The following ANKRD11 variants were observed in gnomAD, a reference collection of about 807,000 sequenced individuals.
ANKRD11 encodes ankyrin repeat domain 11.
Under a neutral mutation model 195.7 loss-of-function variants are expected in ANKRD11, and 17 were observed. The observed-to-expected ratio is 0.09, with a 90% CI of 0.06 to 0.13. ANKRD11 has a LOEUF of 0.13. Ranked by LOEUF, ANKRD11 falls within the 10% of genes least tolerant of loss-of-function variation. ANKRD11 has a pLI of 1.00. For missense variants in ANKRD11, 3,735 were observed against 3,566.1 expected (o/e 1.05, Z -1.21); for synonymous variants, 1,953 against 1,528.1 (o/e 1.28, Z -6.49).
At chr16:89,354,071 G>C (rs532128218) in intron 2 of ANKRD11, among the ~76,000 whole-genome samples, 1 of 152,068 alleles carries the variant, frequency 6.6e-6, no homozygotes. Flanking sequence ...GGAGCTGCCC[G>C]CCCAACAGTC....
In ANKRD11 at chr16:89,398,561, T is replaced by A. The variant is rs182145993; in HGVS notation, c.-60+19723A>T. Among the ~76,000 whole-genome samples, 395 of 151,720 alleles carry A rather than the reference T, an allele frequency of 2.6e-3. 3 individuals are homozygous for A. The Middle Eastern group carries it at 0.031, about 12-fold the overall frequency. ...GGGAGACCCCATCTCTTAAAAAAAATTTTTTTTTAACAAAACAATAAAAAA... is the reference window on the plus strand; with the variant it reads ...GGGAGACCCCATCTCTTAAAAAAAAATTTTTTTTAACAAAACAATAAAAAA... On this transcript the variant is annotated intron_variant, in intron 2 of 12. Transcript: ENST00000301030.
intron 1 of ANKRD11, among the ~76,000 whole-genome samples, chr16:89,479,956 A>C (rs1478684243): frequency 8.0e-5 from 12 of 150,772 alleles, no homozygotes; most frequent in African/African-American, 2.9e-4. Flanking sequence ...AAAAAAAAAA[A>C]AAAAACTAGC....
chr16:89,424,676 T>G (rs1002543162), intron 1 of ANKRD11, among the ~76,000 whole-genome samples: 13 of 152,102 alleles, frequency 8.5e-5, no homozygotes, highest in African/African-American at 3.1e-4. Flanking sequence ...GACACTCTTA[T>G]GACAAATTTT....
chr16:89,285,024 C>T lies in ANKRD11; in HGVS notation c.1518G>A (p.Pro506=), dbSNP rs749517966. The part of the protein sequence containing the change: ...LGSSGCLKGS[P]LVLKDPSLFS... ...ACAGGGAGGGGTCCTTCAGCACCAG[C>T]GGGGACCCCTTGAGGCAGCCAGAGC... is the stretch of plus-strand genomic sequence containing the variant. Residue 506 remains proline, a synonymous_variant, in exon 9 of 13, where the codon CCG becomes CCA. Transcript: ENST00000301030. The surrounding 1 kb of genome is among the most constrained non-coding windows in gnomAD (Gnocchi z 5.6). 14 of 1,613,816 alleles carry T rather than the reference C, an allele frequency of 8.7e-6. No individual in the cohort carries two copies. The highest frequency in any genetic ancestry group is 7.7e-5 in the South Asian group (7 of 91,086).
intron 2 of ANKRD11, among the ~76,000 whole-genome samples, chr16:89,403,255 C>T (rs542220998): frequency 6.6e-6 from 1 of 152,316 alleles, no homozygotes; most frequent in African/African-American, 2.4e-5. Context: ...ATCTGATGCG[C>T]ACTCACTCAC....
chr16:89,438,188 G>A (rs2043295600), intron 1 of ANKRD11, among the ~76,000 whole-genome samples: 2 of 152,162 alleles, frequency 1.3e-5, no homozygotes, highest in South Asian at 4.1e-4. Context: ...ATGAAGACTA[G>A]GAACAGCTGG....
At chr16:89,277,898 G>A (rs2033795470) in intron 9 of ANKRD11, 1 of 157,206 alleles carries the variant, frequency 6.4e-6, no homozygotes, top group Non-Finnish European at 1.4e-5. Context: ...GCCAGGTCAG[G>A]GCCAGCACGG....
At position 89,282,305 on chromosome 16, in the gene ANKRD11, C is replaced by T. The variant is rs140373729; in HGVS notation, c.4237G>A (p.Glu1413Lys). ...TCAATGGTTTTATCTAGCTCATCTT[C>T]TATGTCAGCTTTCATGTTGTAAGAA... ...GVSYNMKADI[E>K]DELDKTIELF... Residue 1413 changes from glutamate (E) to lysine (K), a missense_variant, in exon 9 of 13, where the codon GAA becomes AAA. Coordinates refer to ENST00000301030, the MANE Select transcript of ANKRD11 (RefSeq NM_013275.6). 8.6e-4 allele frequency: 1,382 copies of T among 1,614,190 alleles called. 1 individual carries two copies. The highest frequency in any genetic ancestry group is 1.1e-3 in the Non-Finnish European group (1,258 of 1,180,052).
At position 89,320,281 on chromosome 16, in the gene ANKRD11, G is replaced by A. The variant is rs369188320; in HGVS notation, c.-59-3203C>T. ...AAGGCACCGGGTCTCACTCCCGGGGGAGACTCTTCCCTGGAAGGTGACTTG... is the reference window on the plus strand; with the variant it reads ...AAGGCACCGGGTCTCACTCCCGGGGAAGACTCTTCCCTGGAAGGTGACTTG... On this transcript the variant is annotated intron_variant, in intron 2 of 12. Transcript: ENST00000301030. The A allele has an allele frequency of 3.3e-5, 5 of 152,374 alleles. No individual in the cohort carries two copies. In the East Asian group the frequency reaches 5.8e-4, roughly 18 times the overall value. 9.4% of individuals were successfully genotyped at this position (152,374 alleles called of 1,614,324 possible). A position where few individuals can be genotyped will look rare whatever the true frequency, so the allele number is the denominator to read the frequency against.
intron 4 of ANKRD11, among the ~76,000 whole-genome samples, chr16:89,294,201 G>A (rs1027632475): frequency 6.6e-6 from 1 of 152,160 alleles, no homozygotes; most frequent in Non-Finnish European, 1.5e-5. Context: ...ACGCGGCCAG[G>A]ACAGCTTTAC....
intron 2 of ANKRD11, among the ~76,000 whole-genome samples, chr16:89,366,152 G>C (rs1000536060): frequency 8.2e-6 from 1 of 122,142 alleles, no homozygotes; most frequent in African/African-American, 3.2e-5. Context: ...AAAAAAAAAA[G>C]ACATGATCTC....
intron 2 of ANKRD11, among the ~76,000 whole-genome samples, chr16:89,397,734 G>A (rs890046277): frequency 6.6e-6 from 1 of 152,254 alleles, no homozygotes; most frequent in African/African-American, 2.4e-5. Context: ...TGAAGATGAT[G>A]CAGAAGCCTC....
intron 1 of ANKRD11, among the ~76,000 whole-genome samples, chr16:89,468,707 A>C (rs1381112664): frequency 6.6e-6 from 1 of 151,144 alleles, no homozygotes; most frequent in Non-Finnish European, 1.5e-5. Flanking sequence ...ACGCTATCTC[A>C]AAAAAAAAGA....
intron 11 of ANKRD11, among the ~76,000 whole-genome samples, chr16:89,273,995 C>T (rs2033415852): frequency 6.6e-6 from 1 of 152,148 alleles, no homozygotes; most frequent in Admixed American, 6.5e-5. Context: ...TCCAGGGAGC[C>T]CACAACCTGA....
chr16:89,370,949 C>T (rs561463799), intron 2 of ANKRD11, among the ~76,000 whole-genome samples: 17 of 152,094 alleles, frequency 1.1e-4, no homozygotes, highest in Non-Finnish European at 2.2e-4. Flanking sequence ...AGAACCAAGC[C>T]CTGCGGACAC....
chr16:89,316,489 C>T (rs904983542), intron 3 of ANKRD11, among the ~76,000 whole-genome samples: 7 of 152,350 alleles, frequency 4.6e-5, no homozygotes, highest in African/African-American at 1.7e-4. Flanking sequence ...TCAGCGTTAA[C>T]CGCACATTAA....
intron 2 of ANKRD11, among the ~76,000 whole-genome samples, chr16:89,366,743 C>G (rs894514610): frequency 1.3e-5 from 2 of 152,176 alleles, no homozygotes; most frequent in Non-Finnish European, 2.9e-5. Context: ...AACAAAGCAG[C>G]TCTCTTGAAT....
intron 4 of ANKRD11, chr16:89,301,296 T>C (rs2035839579): frequency 2.6e-6 from 1 of 377,794 alleles, no homozygotes; most frequent in African/African-American, 2.1e-5. Flanking sequence ...TGGGAAACCT[T>C]ACACATATAA....
At position 89,366,696 on chromosome 16, in the gene ANKRD11, G is replaced by A. The variant is rs1231485232; in HGVS notation, c.-59-49618C>T. On this transcript the variant is annotated intron_variant, in intron 2 of 12. Coordinates refer to ENST00000301030, the MANE Select transcript of ANKRD11 (RefSeq NM_013275.6). ...CTGAGACATGTCTAGACAGAGGTGC[G>A]GCACAGTCAACTGGACACCATCCAT... 4.6e-5 allele frequency among the ~76,000 whole-genome samples: 7 copies of A among 152,214 alleles called. 1 individual carries two copies. The highest frequency in any genetic ancestry group is 6.8e-3 in the Middle Eastern group (2 of 294).
Sources: gnomAD v4.1 joint callset for allele counts (sites outside exome capture counted in the v4.1 genomes callset) on GRCh38, gnomAD v4.1.1 for gene constraint, Gnocchi (gnomAD v3.1) non-coding constraint, MANE v1.5 for transcripts, NCBI Gene and HGNC (gene_info 2026-07-23, HGNC 2026-07-21) for gene names.